Variants in SDHC observed in about 807,000 individuals in gnomAD.
SDHC encodes the protein succinate dehydrogenase cytochrome b560 subunit, mitochondrial.
SDHC carries 11 observed loss-of-function variants against 22.6 expected under a neutral mutation model. The ratio of observed to expected loss-of-function variants is 0.49; its 90% CI spans 0.31 to 0.81. SDHC has a LOEUF of 0.81. Among genes scored for constraint, SDHC ranks in the 30% least tolerant of loss-of-function variants. The pLI, the probability that SDHC is intolerant of heterozygous loss-of-function variation, is 0.05. For synonymous variants in SDHC, 80 were observed against 77.8 expected, an observed-to-expected ratio of 1.03 and a Z score of -0.15; for missense variants, 160 against 212.0, an observed-to-expected ratio of 0.75 and a Z score of 1.52.
intron 3 of SDHC, among the ~76,000 whole-genome samples, chr1:161,331,622 G>C (rs1324436716): frequency 7.0e-6 from 1 of 142,494 alleles, no homozygotes; most frequent in Non-Finnish European, 1.5e-5. Context: ...CTGAGACAGA[G>C]TCTCACACTA....
At position 161,346,415 on chromosome 1, in the gene SDHC, T is replaced by C. The variant is rs7417195; in HGVS notation, c.241+5760T>C. ...TGCACTGTGATAGCTTTTTTTTTTT[T>C]CGAGACAGAGTTTCGCTTTTGTTGC... On this transcript the variant is annotated intron_variant, in intron 4 of 5. Transcript: ENST00000367975. 3.4e-3 allele frequency among the ~76,000 whole-genome samples: 517 copies of C among 152,094 alleles called. 4 individuals are homozygous for C. Among genetic ancestry groups the C allele is most frequent in the African/African-American group, 0.012 (483 of 41,490 alleles).
At chr1:161,315,658 C>G (rs1180358521) in intron 1 of SDHC, among the ~76,000 whole-genome samples, 4 of 152,158 alleles carry the variant, frequency 2.6e-5, no homozygotes, top group Admixed American at 6.5e-5. Context: ...TCATTATAGT[C>G]ATTAAGTGTA....
intron 4 of SDHC, 145 bp downstream of exon 4, chr1:161,340,800 C>T (rs1328880761): frequency 2.8e-6 from 2 of 712,272 alleles, no homozygotes; most frequent in Admixed American, 2.1e-5. Context: ...TCATTCATCC[C>T]TTTAACAATT....
intron 4 of SDHC, among the ~76,000 whole-genome samples, chr1:161,344,247 G>A (rs557827707): frequency 6.6e-6 from 1 of 152,112 alleles, no homozygotes; most frequent in African/African-American, 2.4e-5. Context: ...CTGAGATTGC[G>A]CCACTGCACT....
chr1:161,362,178 TA>T, intron 5 of SDHC, 150 bp from the exon 6 acceptor site: 3 of 907,498 alleles, frequency 3.3e-6, no homozygotes, highest in Non-Finnish European at 5.2e-6. Flanking sequence ...TTGAGAAGGG[TA>T]AAGGTGGGGC....
chr1:161,342,383 C>G (rs1462402148), intron 4 of SDHC, among the ~76,000 whole-genome samples: 2 of 152,206 alleles, frequency 1.3e-5, no homozygotes, highest in African/African-American at 4.8e-5. Context: ...AACAAGACTT[C>G]TGTTCCAAGT....
At chr1:161,344,431 T>G (rs1338674087) in intron 4 of SDHC, among the ~76,000 whole-genome samples, 2 of 151,778 alleles carry the variant, frequency 1.3e-5, no homozygotes, top group Non-Finnish European at 2.9e-5. Context: ...CACTCCAGCC[T>G]GATGACAGCA....
Position 161,323,718 on chromosome 1 carries a change from C to T in SDHC, c.77+48C>T, listed in dbSNP as rs112946310. 0.07 allele frequency: 97,009 copies of T among 1,395,646 alleles called. 5,229 individuals carry two copies. The highest frequency in any genetic ancestry group is 0.25 in the East Asian group (10,292 of 41,824). 86.5% of individuals were successfully genotyped at this position (1,395,646 alleles called of 1,614,324 possible). Reference sequence around the variant, plus strand: ...TATTTATTTATTTTTTTTTTTGAGACGGAGTCTCGCTCTGTCACCCAGGCT... The same window carrying T: ...TATTTATTTATTTTTTTTTTTGAGATGGAGTCTCGCTCTGTCACCCAGGCT... On this transcript the variant is annotated intron_variant, in intron 2 of 5. Transcript: ENST00000367975.
At chr1:161,343,122 GAGT>G (rs1318390156) in intron 4 of SDHC, among the ~76,000 whole-genome samples, 1 of 152,188 alleles carries the variant, frequency 6.6e-6, no homozygotes, top group Non-Finnish European at 1.5e-5. Context: ...GTAGGAAAGG[GAGT>G]TTCTATTGAC....
chr1:161,332,714 C>T (rs1038376989), intron 3 of SDHC, among the ~76,000 whole-genome samples: 2 of 151,288 alleles, frequency 1.3e-5, no homozygotes, highest in East Asian at 1.9e-4. Context: ...TTTACTGCAA[C>T]CTCTGCCTTC....
chr1:161,347,530 C>T (rs149165320), intron 4 of SDHC, among the ~76,000 whole-genome samples: 2,012 of 149,900 alleles, frequency 0.013, 42 homozygotes, highest in African/African-American at 0.046. Flanking sequence ...GTTGGGATTA[C>T]AGGCATGAGC....
At position 161,362,384 on chromosome 1, in the gene SDHC, T is replaced by C. The variant is rs1378160712; in HGVS notation, c.461T>C (p.Val154Ala). ...KIPQLYQSGV[V>A]VLVLTVLSSM... ...CCCCAGCTATACCAGTCTGGAGTGG[T>C]TGTCCTGGTTCTTACTGTGTTGTCC... Residue 154 changes from valine to alanine, a missense_variant, in exon 6 of 6, where the codon GTT (valine) becomes GCT (alanine). This residue lies in a region of SDHC where 74 missense variants were observed against 128.6 expected (regional missense o/e 0.58). Transcript: ENST00000367975. The C allele has an allele frequency of 1.2e-6, 2 of 1,613,262 alleles. No homozygotes were observed. The highest frequency in any genetic ancestry group is 4.5e-5 in the East Asian group (2 of 44,858).
intron 4 of SDHC, among the ~76,000 whole-genome samples, chr1:161,344,791 C>T (rs1671838412): frequency 1.3e-5 from 2 of 152,108 alleles, no homozygotes; most frequent in African/African-American, 4.8e-5. Flanking sequence ...AAACTTTATG[C>T]TCTGGGTTTT....
intron 3 of SDHC, among the ~76,000 whole-genome samples, chr1:161,328,918 T>C (rs534236969): frequency 6.6e-6 from 1 of 152,286 alleles, no homozygotes; most frequent in East Asian, 1.9e-4. Context: ...TTCTTCTTCT[T>C]TTTTTTCTGA....
intron 3 of SDHC, among the ~76,000 whole-genome samples, chr1:161,330,546 C>T (rs1190762956): frequency 6.6e-6 from 1 of 152,222 alleles, no homozygotes; most frequent in Non-Finnish European, 1.5e-5. Flanking sequence ...CATCCGCTAT[C>T]CTTCTTTGTG....
At chr1:161,325,485 G>T (rs1671017614) in intron 2 of SDHC, among the ~76,000 whole-genome samples, 1 of 152,080 alleles carries the variant, frequency 6.6e-6, no homozygotes, top group South Asian at 2.1e-4. Context: ...TTTGAGACCA[G>T]CCTGGGCAAC....
chr1:161,345,454 A>G (rs1412201615), intron 4 of SDHC, among the ~76,000 whole-genome samples: 3 of 151,886 alleles, frequency 2.0e-5, no homozygotes, highest in Non-Finnish European at 2.9e-5. Context: ...AGTTGTAATT[A>G]TTTTATTTTA....
At chr1:161,315,870 C>A (rs1670590681) in intron 1 of SDHC, among the ~76,000 whole-genome samples, 2 of 151,846 alleles carry the variant, frequency 1.3e-5, no homozygotes, top group African/African-American at 4.8e-5. Context: ...TCTGAGTTCC[C>A]TTAGTATTTA....
At position 161,324,857 on chromosome 1, in the gene SDHC, T is replaced by C. The variant is rs191719659; in HGVS notation, c.77+1187T>C. On this transcript the variant is annotated intron_variant, in intron 2 of 5. Coordinates refer to ENST00000367975, the MANE Select transcript of SDHC (RefSeq NM_003001.5). ...TTAACATTGATGAACTCTTATCTGA[T>C]ACACAGTTGATTTTCAGATTTTTCA... Among the ~76,000 whole-genome samples the C allele has an allele frequency of 4.1e-3, 625 of 152,328 alleles. 4 individuals are homozygous for C. The highest frequency in any genetic ancestry group is 4.2e-3 in the Non-Finnish European group (289 of 68,034).
Sources: gnomAD v4.1 joint callset for allele counts (sites outside exome capture counted in the v4.1 genomes callset) on GRCh38, gnomAD v4.1.1 for gene constraint, gnomAD v4.1.1 regional missense constraint, MANE v1.5 for transcripts, NCBI Gene and HGNC (gene_info 2026-07-23, HGNC 2026-07-21) for gene names.